Variants in OSBPL5 observed in about 807,000 individuals in gnomAD.
OSBPL5 encodes the protein oxysterol-binding protein-related protein 5.
Under a neutral mutation model 111.2 loss-of-function variants are expected in OSBPL5, and 71 were observed. The observed-to-expected ratio is 0.64, with a 90% CI of 0.53 to 0.78. OSBPL5 has a LOEUF of 0.78. OSBPL5 is among the 30% of genes least tolerant of loss of function. The pLI is 0.00. For missense variants in OSBPL5, 1,210 were observed against 1,189.3 expected (o/e 1.02, Z -0.26); for synonymous variants, 549 against 513.9 (o/e 1.07, Z -0.93).
Position 3,090,619 on chromosome 11 carries a change from T to C in OSBPL5, c.2337A>G (p.Gly779=), listed in dbSNP as rs780431690. 7.4e-6 allele frequency: 12 copies of C among 1,612,942 alleles called. 1 individual carries two copies. The highest frequency in any genetic ancestry group is 3.3e-4 in the Middle Eastern group (2 of 6,084). ...SGHSQATESS[G]STPESCPELS... ...GCTCTGGGCAGGACTCAGGCGTGGA[T>C]CCGCTGCTCTCCGTGGCCTGGCTGT... The change falls in exon 20 of 22, where the codon GGA becomes GGG. Residue 779 remains glycine (G), a synonymous_variant. Coordinates refer to ENST00000263650, the MANE Select transcript of OSBPL5 (RefSeq NM_020896.4).
At chr11:3,103,860 G>GTACCCCCTTC (rs1212254020) in intron 10 of OSBPL5, among the ~76,000 whole-genome samples, 1,241 of 41,086 alleles carry the variant, frequency 0.03, 160 homozygotes, top group African/African-American at 0.083. Flanking sequence ...TCCAGTCTGC[G>GTACCCCCTTC]CAGCCCCCTT....
At chr11:3,122,679 C>A (rs1056289117) in intron 3 of OSBPL5, among the ~76,000 whole-genome samples, 9 of 152,188 alleles carry the variant, frequency 5.9e-5, no homozygotes, top group African/African-American at 2.2e-4. Context: ...CCATCCTCCC[C>A]GGGGCACATG....
At chr11:3,112,046 CATGTGTGT>C (rs1857986017) in intron 7 of OSBPL5, among the ~76,000 whole-genome samples, 2 of 76,482 alleles carry the variant, frequency 2.6e-5, no homozygotes, top group South Asian at 4.5e-4. Context: ...TGTGTGCGCG[CATGTGTGT>C]GCATGTGTAT....
intron 1 of OSBPL5, among the ~76,000 whole-genome samples, chr11:3,158,168 G>GCGGCCTGCCC (rs1279676464): frequency 4.6e-5 from 7 of 152,370 alleles, no homozygotes; most frequent in East Asian, 3.9e-4. Flanking sequence ...CTGTGGCCAA[G>GCGGCCTGCCC]CGGCCTGCCC....
intron 6 of OSBPL5, 22 bp from the exon 7 acceptor site, chr11:3,119,653 T>C (rs753037886): frequency 2.0e-5 from 31 of 1,575,004 alleles, no homozygotes; most frequent in Non-Finnish European, 2.7e-5. Context: ...GAGATCTGGG[T>C]GTCACCCGAG....
At chr11:3,136,067 G>A (rs1845941099) in intron 1 of OSBPL5, among the ~76,000 whole-genome samples, 1 of 152,212 alleles carries the variant, frequency 6.6e-6, no homozygotes, top group African/African-American at 2.4e-5. Flanking sequence ...GGGAGGGACA[G>A]GTCAGGTTCT....
At position 3,092,702 on chromosome 11, in the gene OSBPL5, A is replaced by G. The variant is rs1271562230; in HGVS notation, c.2133-144T>C. On this transcript the variant is annotated intron_variant, in intron 18 of 21. Coordinates refer to ENST00000263650, the MANE Select transcript of OSBPL5 (RefSeq NM_020896.4). The surrounding 1 kb of genome is among the most constrained non-coding windows in gnomAD (Gnocchi z 5.4). ...CCCACACCCCATGGGCAGGGCCTGC[A>G]GTAAGGACTGATGATGGGGGGTGTC... 1 of 1,348,618 alleles carries G rather than the reference A, an allele frequency of 7.4e-7. No individual in the cohort carries two copies. Among genetic ancestry groups the G allele is most frequent in the Non-Finnish European group, 9.9e-7 (1 of 1,008,706 alleles). The allele number at this position is 1,348,618 out of a possible 1,614,324, so 83.5% of individuals were successfully genotyped here. A position where few individuals can be genotyped will look rare whatever the true frequency, so the allele number is the denominator to read the frequency against.
rs763512083 is a variant in OSBPL5, at chr11:3,104,415, G to A, written c.1060-38C>T. On this transcript the variant is annotated intron_variant, in intron 9 of 21. Transcript: ENST00000263650. The surrounding 1 kb of genome is among the most constrained non-coding windows in gnomAD (Gnocchi z 5.0). ...GGCTGCAGTCAGGCCCTGCCCGGAAGAGCCGGGAGGAAGGGGTGGCGGGAC... is the reference window on the plus strand; with the variant it reads ...GGCTGCAGTCAGGCCCTGCCCGGAAAAGCCGGGAGGAAGGGGTGGCGGGAC... 1.9e-6 allele frequency: 3 copies of A among 1,592,288 alleles called. No homozygotes were observed. Among genetic ancestry groups the A allele is most frequent in the Admixed American group, 1.8e-5 (1 of 57,118 alleles).
intron 1 of OSBPL5, among the ~76,000 whole-genome samples, chr11:3,147,739 T>G (rs1031827062): frequency 6.6e-6 from 1 of 151,942 alleles, no homozygotes; most frequent in African/African-American, 2.4e-5. Context: ...GACGCGTGGG[T>G]GCGTCGGGGC....
chr11:3,088,598 G>A (rs1856954625), intron 21 of OSBPL5, among the ~76,000 whole-genome samples: 1 of 152,140 alleles, frequency 6.6e-6, no homozygotes, highest in Non-Finnish European at 1.5e-5. Flanking sequence ...TGGGGAGTCA[G>A]CCTTTTACAT....
chr11:3,145,064 C>G (rs140294475), intron 1 of OSBPL5, among the ~76,000 whole-genome samples: 251 of 152,344 alleles, frequency 1.6e-3, no homozygotes, highest in African/African-American at 5.7e-3. Context: ...CGACTCCCCA[C>G]GGAAGGGGCA....
At chr11:3,098,905 G>T (rs7124230) in intron 14 of OSBPL5, among the ~76,000 whole-genome samples, 1 of 151,686 alleles carries the variant, frequency 6.6e-6, no homozygotes, top group African/African-American at 2.4e-5. Context: ...CCTGGGCTCA[G>T]GTTATTCTCC....
rs894637866 is a variant in OSBPL5 at position 3,094,251 on chromosome 11, C to G, written c.1705G>C (p.Glu569Gln). The G allele has an allele frequency of 6.2e-7, 1 of 1,613,526 alleles. No homozygotes were observed. The highest frequency in any genetic ancestry group is 1.1e-5 in the South Asian group (1 of 91,058). Residue 569 changes from glutamate to glutamine, a missense_variant, in exon 15 of 22, where the codon GAA (glutamate) becomes CAA (glutamine). Glu to Gln is a conservative substitution (Grantham distance 29). Coordinates refer to ENST00000263650, the MANE Select transcript of OSBPL5 (RefSeq NM_020896.4). ...CAKNNFQAQL[E>Q]FKLKPFFGGS... ...GCCAGCGCTACCTTGAGTTTGAATT[C>G]CAGCTGGGCCTGGAAGTTGTTCTTC...
rs138106160 is a variant in OSBPL5, at chr11:3,102,268, G to A, written c.1340C>T (p.Pro447Leu). Residue 447 changes from proline to leucine, a missense_variant, in exon 12 of 22, where the codon CCG becomes CTG. Coordinates refer to ENST00000263650, the MANE Select transcript of OSBPL5 (RefSeq NM_020896.4). Reference protein sequence around the residue: ...FYKKPKGIKKPYNPILGETFR... With the variant: ...FYKKPKGIKKLYNPILGETFR... ...GGTCTCCCCCAGGATGGGGTTGTAC[G>A]GCTTCTTGATTCCCTGCAGACAACA... 3.9e-5 allele frequency: 62 copies of A among 1,600,830 alleles called. No individual in the cohort carries two copies. Among genetic ancestry groups the A allele is most frequent in the Non-Finnish European group, 4.9e-5 (58 of 1,174,294 alleles).
chr11:3,128,955 G>A (rs754512383), intron 2 of OSBPL5, 58 bp downstream of exon 2: 8 of 1,412,810 alleles, frequency 5.7e-6, no homozygotes, highest in Non-Finnish European at 3.7e-6. Flanking sequence ...GCCGCCCGGG[G>A]TCACCCCACC....
intron 3 of OSBPL5, among the ~76,000 whole-genome samples, chr11:3,124,803 A>AATCGATGAATGG (rs1322108830): frequency 2.8e-5 from 3 of 109,078 alleles, no homozygotes; most frequent in Middle Eastern, 4.0e-3. Context: ...CGAATGAATG[A>AATCGATGAATGG]ATGGATGAAT....
In OSBPL5 at chr11:3,104,543, T is replaced by A. The variant is rs1857631469; in HGVS notation, c.1060-166A>T. Among the ~76,000 whole-genome samples, 2 of 152,166 alleles carry A rather than the reference T, an allele frequency of 1.3e-5. No individual in the cohort carries two copies. The highest frequency in any genetic ancestry group is 2.9e-5 in the Non-Finnish European group (2 of 68,008). On this transcript the variant is annotated intron_variant, in intron 9 of 21. Coordinates refer to ENST00000263650, the MANE Select transcript of OSBPL5 (RefSeq NM_020896.4). This position sits in a 1 kb window ranked among gnomAD's most constrained non-coding sequence, Gnocchi z 5.0. Reference sequence around the variant, plus strand: ...ATGAGGCTGACTCAGCCCCATCAGATGTGAACTCTTCCCAATGCGTCTCCA... The same window carrying A: ...ATGAGGCTGACTCAGCCCCATCAGAAGTGAACTCTTCCCAATGCGTCTCCA...
Position 3,104,144 on chromosome 11 carries a change from T to G in OSBPL5, c.1244+49A>C, listed in dbSNP as rs1441706120. On this transcript the variant is annotated intron_variant, in intron 10 of 21. Coordinates refer to ENST00000263650, the MANE Select transcript of OSBPL5 (RefSeq NM_020896.4). This position sits in a 1 kb window ranked among gnomAD's most constrained non-coding sequence, Gnocchi z 5.0. Reference sequence around the variant, plus strand: ...GGGCTGGGGGTGCTGCAGGGTCTCATGCAGATGCAGGACGAGGTGTGGGGT... The same window carrying G: ...GGGCTGGGGGTGCTGCAGGGTCTCAGGCAGATGCAGGACGAGGTGTGGGGT... 3 of 1,561,320 alleles carry G rather than the reference T, an allele frequency of 1.9e-6. No homozygotes were observed. In the South Asian group the frequency reaches 3.5e-5, roughly 18 times the overall value.
At chr11:3,157,137 G>A (rs1015198355) in intron 1 of OSBPL5, among the ~76,000 whole-genome samples, 2 of 152,220 alleles carry the variant, frequency 1.3e-5, no homozygotes, top group Non-Finnish European at 2.9e-5. Context: ...AGAGAGCCGC[G>A]TGCCTCCGTG....
Sources: gnomAD v4.1 joint callset for allele counts (sites outside exome capture counted in the v4.1 genomes callset) on GRCh38, gnomAD v4.1.1 for gene constraint, Gnocchi (gnomAD v3.1) non-coding constraint, MANE v1.5 for transcripts, NCBI Gene and HGNC (gene_info 2026-07-23, HGNC 2026-07-21) for gene names.